The following KRT10 variants were observed in gnomAD, a reference collection of about 807,000 sequenced individuals.
The protein encoded by KRT10 is keratin 10, also known as keratin, type I cytoskeletal 10.
In KRT10, 40 loss-of-function variants were observed where a neutral mutation model predicts 59.2. That is an observed-to-expected ratio of 0.68 (90% CI 0.52 to 0.88). The LOEUF is 0.88. KRT10 is among the 40% of genes least tolerant of loss of function. The pLI is 0.00. For missense variants in KRT10, 719 were observed against 749.1 expected, an observed-to-expected ratio of 0.96 and a Z score of 0.47; for synonymous variants, 336 against 310.7, an observed-to-expected ratio of 1.08 and a Z score of -0.86.
Position 40,818,835 on chromosome 17 carries a change from T to C in KRT10, c.1700A>G (p.Lys567Arg), listed in dbSNP as rs752767462. Residue 567 changes from lysine (K) to arginine (R), a missense_variant, in exon 7 of 8, where the codon AAG (lysine) becomes AGG (arginine). By Grantham distance (26) the Lys-to-Arg change is conservative (BLOSUM62 2). Around this residue, in one of 4 missense-constraint regions of KRT10, gnomAD observed 315 missense variants for 270.6 expected, o/e 1.16. Coordinates refer to ENST00000269576, the MANE Select transcript of KRT10 (RefSeq NM_000421.5). ...GCCCACGGACCCGGAAGAGGAGGAC[T>C]TGTGGCCTCCGCTGGAGCTGCCGCC... ...YGGGSSSGGHKSSSSGSVGES... is the reference protein window; with the variant it reads ...YGGGSSSGGHRSSSSGSVGES... 44 of 1,594,822 alleles carry C rather than the reference T, an allele frequency of 2.8e-5. No homozygotes were observed. Among genetic ancestry groups the C allele is most frequent in the Non-Finnish European group, 3.5e-5 (41 of 1,178,136 alleles).
Position 40,822,199 on chromosome 17 carries a change from T to G in KRT10, c.387A>C (p.Gly129=), listed in dbSNP as rs1905440180. The change falls in exon 1 of 8, where the codon GGA becomes GGC. Residue 129 remains glycine (G), a synonymous_variant. Coordinates refer to ENST00000269576, the MANE Select transcript of KRT10 (RefSeq NM_000421.5). ...CTCCTCCAAATCCACCACCAAAGCC[T>G]CCTCCAAAGCCGCCTCCACCAAAGC... ...GGGFGGGGFG[G]GFGGGFGGDG... is the part of the protein sequence containing the mutation. The G allele has an allele frequency of 1.2e-6, 2 of 1,613,280 alleles. No individual in the cohort carries two copies. Among genetic ancestry groups the G allele is most frequent in the Non-Finnish European group, 1.7e-6 (2 of 1,179,648 alleles).
rs1597818797 is a variant in KRT10, at chr17:40,819,603, A to G, written c.1287T>C (p.Asn429=). 6.2e-7 allele frequency: 1 copy of G among 1,614,076 alleles called. No homozygotes were observed. The highest frequency in any genetic ancestry group is 1.1e-5 in the South Asian group (1 of 91,086). The stretch of plus-strand genomic sequence containing the variant: ...TATCCAGGAGTTGTTGGTATTCAGT[A>G]TTCTGGCACTCGGTTTCAGCTCGAA... ...QQIRAETECQ[N]TEYQQLLDIK... is the part of the protein sequence containing the mutation. Residue 429 remains asparagine (N), a synonymous_variant, in exon 6 of 8, where the codon AAT becomes AAC. Coordinates refer to ENST00000269576, the MANE Select transcript of KRT10 (RefSeq NM_000421.5).
Position 40,819,687 on chromosome 17 carries a change from A to G in KRT10, c.1203T>C (p.Cys401=), listed in dbSNP as rs368784181. Residue 401 remains cysteine, a synonymous_variant, in exon 6 of 8, where the codon TGT becomes TGC. Transcript: ENST00000269576. ...ASLAETEGRY[C]VQLSQIQAQI... ...GGGCCTGAATCTGTGAGAGCTGCAC[A>G]CAGTAGCGACCTTCTGTTTCTGCCA... 59 of 1,614,068 alleles carry G rather than the reference A, an allele frequency of 3.7e-5. No individual in the cohort carries two copies. The highest frequency in any genetic ancestry group is 1.6e-4 in the Middle Eastern group (1 of 6,084).
At position 40,819,011 on chromosome 17, in the gene KRT10, G is replaced by C. The variant is rs770578877; in HGVS notation, c.1524C>G (p.Ser508Arg). ...GYGGGSSGGG[S>R]SGGGYGGGSS... ...TTCCGCCCCCGTAGCCGCCGCCGGA[G>C]CTTCCGCCGCCGGAGCTTCCGCCTC... Residue 508 changes from serine (S) to arginine (R), a missense_variant, in exon 7 of 8, where the codon AGC (serine) becomes AGG (arginine). By Grantham distance (110) the Ser-to-Arg change is moderately radical. Transcript: ENST00000269576. 1,221 of 1,263,310 alleles carry C rather than the reference G, an allele frequency of 9.7e-4. 7 individuals are homozygous for C. The African/African-American group carries it at 0.017, about 17-fold the overall frequency. The allele number at this position is 1,263,310 out of a possible 1,614,324, so 78.3% of individuals were successfully genotyped here.
rs1223531340 is a variant in KRT10, at chr17:40,818,865, T to G, written c.1670A>C (p.Tyr557Ser). 1.9e-6 allele frequency: 3 copies of G among 1,545,626 alleles called. No homozygotes were observed. The highest frequency in any genetic ancestry group is 1.4e-5 in the African/African-American group (1 of 70,742). Residue 557 changes from tyrosine to serine, a missense_variant, in exon 7 of 8, where the codon TAC (tyrosine) becomes TCC (serine). Physicochemically the swap from Tyr to Ser is moderately radical, Grantham distance 144. This residue lies in a region of KRT10 where 315 missense variants were observed against 270.6 expected (regional missense o/e 1.16). Coordinates refer to ENST00000269576, the MANE Select transcript of KRT10 (RefSeq NM_000421.5). The part of the protein sequence containing the change: ...SGGGSSSGGG[Y>S]GGGSSSGGHK... ...GCCTCCGCTGGAGCTGCCGCCGCCGTATCCGCCGCCGGAGCTGCTGCCGCC... is the reference window on the plus strand; with the variant it reads ...GCCTCCGCTGGAGCTGCCGCCGCCGGATCCGCCGCCGGAGCTGCTGCCGCC...
Position 40,818,430 on chromosome 17 carries a change from G to C in KRT10, c.*46C>G. The C allele has an allele frequency of 6.2e-7, 1 of 1,612,968 alleles. No homozygotes were observed. Among genetic ancestry groups the C allele is most frequent in the Non-Finnish European group, 8.5e-7 (1 of 1,179,174 alleles). ...CAACCATAGATGAAAGAACTCTACCGTCGGGCGCCACCTCTTCAATAATTG... is the reference window on the plus strand; with the variant it reads ...CAACCATAGATGAAAGAACTCTACCCTCGGGCGCCACCTCTTCAATAATTG... On this transcript the variant is annotated 3_prime_UTR_variant, in exon 8 of 8. Coordinates refer to ENST00000269576, the MANE Select transcript of KRT10 (RefSeq NM_000421.5).
In KRT10 at chr17:40,818,868, C is replaced by T. The variant is rs762441213; in HGVS notation, c.1667G>A (p.Gly556Glu). 11 of 1,542,936 alleles carry T rather than the reference C, an allele frequency of 7.1e-6. No homozygotes were observed. The highest frequency in any genetic ancestry group is 3.4e-4 in the Middle Eastern group (2 of 5,890). Reference protein sequence around the residue: ...SSGGGSSSGGGYGGGSSSGGH... With the variant: ...SSGGGSSSGGEYGGGSSSGGH... Reference sequence around the variant, plus strand: ...TCCGCTGGAGCTGCCGCCGCCGTATCCGCCGCCGGAGCTGCTGCCGCCGCC... The same window carrying T: ...TCCGCTGGAGCTGCCGCCGCCGTATTCGCCGCCGGAGCTGCTGCCGCCGCC... The change falls in exon 7 of 8, where the codon GGA (glycine) becomes GAA (glutamate). Residue 556 changes from glycine (G) to glutamate (E), a missense_variant. By Grantham distance (98) the Gly-to-Glu change is moderately conservative (BLOSUM62 -2). Around this residue, in one of 4 missense-constraint regions of KRT10, gnomAD observed 315 missense variants for 270.6 expected, o/e 1.16. Transcript: ENST00000269576.
In KRT10 at chr17:40,821,982, T is replaced by C. The variant is rs1276095885; in HGVS notation, c.604A>G (p.Thr202Ala). The C allele has an allele frequency of 4.3e-6, 7 of 1,613,888 alleles. No homozygotes were observed. Among genetic ancestry groups the C allele is most frequent in the Non-Finnish European group, 5.9e-6 (7 of 1,179,940 alleles). The stretch of plus-strand genomic sequence containing the variant: ...ACCTGATTTTTAAGGTCATCGATGG[T>C]TTTGTAGTATTTGCTGTAGTCACGA... ...EPRDYSKYYK[T>A]IDDLKNQILN... Residue 202 changes from threonine to alanine, a missense_variant, in exon 1 of 8, where the codon ACC (threonine) becomes GCC (alanine). Transcript: ENST00000269576.
At chr17:40,820,934 A>G in intron 2 of KRT10, 101 bp downstream of exon 2, 2 of 1,034,034 alleles carry the variant, frequency 1.9e-6, no homozygotes, top group Non-Finnish European at 3.0e-6. Context: ...CTTTGGGTGA[A>G]TTCAGAAAAA....
rs760366080 is a variant in KRT10, at chr17:40,822,280, A to G, written c.306T>C (p.Phe102=). 3.8e-6 allele frequency: 6 copies of G among 1,595,476 alleles called. No individual in the cohort carries two copies. In the East Asian group the frequency reaches 1.1e-4, roughly 30 times the overall value. The part of the protein sequence containing the change: ...SSFGGSYGGI[F]GGGSFGGGSF... ...TGCCACCTCCGAAACTGCCCCCTCC[A>G]AAGATGCCTCCATAACTCCCACCAA... Residue 102 remains phenylalanine, a synonymous_variant, in exon 1 of 8, where the codon TTT becomes TTC. Coordinates refer to ENST00000269576, the MANE Select transcript of KRT10 (RefSeq NM_000421.5).
Position 40,820,686 on chromosome 17 carries a change from C to A in KRT10, c.711-19G>T. On this transcript the variant is annotated intron_variant, in intron 2 of 7. Coordinates refer to ENST00000269576, the MANE Select transcript of KRT10 (RefSeq NM_000421.5). ...CTCATACCTGAAACAAGCATGATATCAATACTGGTTATAACTTATATAGGG... is the reference window on the plus strand; with the variant it reads ...CTCATACCTGAAACAAGCATGATATAAATACTGGTTATAACTTATATAGGG... The A allele has an allele frequency of 6.2e-7, 1 of 1,613,798 alleles. No individual in the cohort carries two copies. The highest frequency in any genetic ancestry group is 8.5e-7 in the Non-Finnish European group (1 of 1,179,750).
At chr17:40,821,466 TG>T (rs1279999310) in intron 1 of KRT10, among the ~76,000 whole-genome samples, 1 of 152,208 alleles carries the variant, frequency 6.6e-6, no homozygotes, top group Non-Finnish European at 1.5e-5. Context: ...GTTTAACTCA[TG>T]ATAAATACTA....
rs1905420233 is a variant in KRT10, at chr17:40,822,031, A to G, written c.555T>C (p.His185=). 6.2e-7 allele frequency: 1 copy of G among 1,614,132 alleles called. No individual in the cohort carries two copies. The highest frequency in any genetic ancestry group is 8.5e-7 in the Non-Finnish European group (1 of 1,180,020). ...GAGGCTCCCCCTGATGTGAGTTGCC[A>G]TGCTTTTCATACCACTCCTTGATTT... ...EGKIKEWYEK[H]GNSHQGEPRD... Residue 185 remains histidine (H), a synonymous_variant, in exon 1 of 8, where the codon CAT becomes CAC. Transcript: ENST00000269576.
chr17:40,818,679 G>C (rs1597816451), intron 7 of KRT10, 108 bp downstream of exon 7: 2 of 1,540,920 alleles, frequency 1.3e-6, no homozygotes, highest in African/African-American at 2.7e-5. Context: ...AAACGGAACC[G>C]TCTCTAAGAT....
intron 6 of KRT10, 60 bp from the exon 7 acceptor site, chr17:40,819,221 C>G (rs1195658811): frequency 1.4e-5 from 22 of 1,590,684 alleles, no homozygotes; most frequent in Non-Finnish European, 1.7e-5. Context: ...GGGTAGCTTT[C>G]CAGTTGCCGT....
chr17:40,819,190 T>C (rs576416494), intron 6 of KRT10, 29 bp from the exon 7 acceptor site: 48 of 1,594,916 alleles, frequency 3.0e-5, no homozygotes, highest in Non-Finnish European at 3.8e-5. Context: ...CATTCGGTTA[T>C]CTCTAACGTT....
chr17:40,819,776 G>C, intron 5 of KRT10, 42 bp from the exon 6 acceptor site: 2 of 1,481,266 alleles, frequency 1.4e-6, no homozygotes, highest in Non-Finnish European at 1.9e-6. Context: ...TCCTTGTTCA[G>C]TTGAGTATGG....
At position 40,818,907 on chromosome 17, in the gene KRT10, C is replaced by A. The variant is rs2143126184; in HGVS notation, c.1628G>T (p.Gly543Val). The change falls in exon 7 of 8, where the codon GGG (glycine) becomes GTG (valine). Residue 543 changes from glycine to valine, a missense_variant. Physicochemically the swap from Gly to Val is moderately radical, Grantham distance 109. Around this residue, in one of 4 missense-constraint regions of KRT10, gnomAD observed 315 missense variants for 270.6 expected, o/e 1.16. Transcript: ENST00000269576. ...GCTGCCGCCGCCGGAGCTGCCGCCC[C>A]CGTAGCCGCCGCCGCCGCCGCCGGA... ...GSSGGGGGGY[G>V]GGSSGGGSSS... The A allele has an allele frequency of 7.9e-7, 1 of 1,269,834 alleles. No individual in the cohort carries two copies. Among genetic ancestry groups the A allele is most frequent in the Admixed American group, 2.9e-5 (1 of 34,744 alleles). The allele number at this position is 1,269,834 out of a possible 1,614,324, so 78.7% of individuals were successfully genotyped here.
intron 6 of KRT10, 136 bp from the exon 7 acceptor site, chr17:40,819,297 C>T: frequency 1.3e-6 from 2 of 1,505,166 alleles, no homozygotes; most frequent in Non-Finnish European, 1.8e-6. Context: ...TTTTAAAACC[C>T]ATCCTTTGAA....
Sources: gnomAD v4.1 joint callset for allele counts (sites outside exome capture counted in the v4.1 genomes callset) on GRCh38, gnomAD v4.1.1 for gene constraint, gnomAD v4.1.1 regional missense constraint, MANE v1.5 for transcripts, NCBI Gene and HGNC (gene_info 2026-07-23, HGNC 2026-07-21) for gene names.